PPP1R14C: variants seen among roughly 807,000 people sequenced by gnomAD.
PPP1R14C encodes the protein protein phosphatase 1 regulatory subunit 14C.
PPP1R14C carries 16 observed loss-of-function variants against 20.4 expected under a neutral mutation model. That is an observed-to-expected ratio of 0.78 (90% confidence interval 0.53 to 1.19). PPP1R14C has a LOEUF of 1.19. Among genes scored for constraint, PPP1R14C ranks in the 50% most tolerant of loss-of-function variants. The pLI is 0.00. For synonymous variants in PPP1R14C, 91 were observed against 91.0 expected (o/e 1.00, Z 0.00); for missense variants, 211 against 220.1 (o/e 0.96, Z 0.26).
At chr6:150,197,415 A>G (rs1456361784) in intron 1 of PPP1R14C, among the ~76,000 whole-genome samples, 1 of 152,216 alleles carries the variant, frequency 6.6e-6, no homozygotes, top group Non-Finnish European at 1.5e-5. Context: ...TCCAGAGGGC[A>G]CCTGTCTTGC....
intron 1 of PPP1R14C, chr6:150,195,119 T>C (rs1777786903): frequency 1.0e-6 from 1 of 983,708 alleles, no homozygotes; most frequent in African/African-American, 1.7e-5. Flanking sequence ...ATTATGTGGG[T>C]TACTCTTATT....
intron 1 of PPP1R14C, among the ~76,000 whole-genome samples, chr6:150,170,045 C>G (rs1777479649): frequency 6.6e-6 from 1 of 152,282 alleles, no homozygotes; most frequent in African/African-American, 2.4e-5. Context: ...AGTTGTATTG[C>G]TTTTAATGAC....
intron 1 of PPP1R14C, among the ~76,000 whole-genome samples, chr6:150,204,940 G>C (rs188219324): frequency 6.7e-4 from 102 of 151,544 alleles, no homozygotes; most frequent in Middle Eastern, 7.1e-3. Context: ...GTGGCCTCTT[G>C]AGCCCTTTGA....
At chr6:150,167,602 A>T (rs952396170) in intron 1 of PPP1R14C, among the ~76,000 whole-genome samples, 2 of 152,186 alleles carry the variant, frequency 1.3e-5, no homozygotes, top group Admixed American at 6.5e-5. Flanking sequence ...CTGGGAGAAC[A>T]TCTAGAAGTG....
chr6:150,146,785 C>T (rs9397686), intron 1 of PPP1R14C, among the ~76,000 whole-genome samples: 22,336 of 152,078 alleles, frequency 0.15, 1,761 homozygotes, highest in African/African-American at 0.2. Context: ...AGACTAAAAC[C>T]AAGTGGAGGG....
intron 3 of PPP1R14C, among the ~76,000 whole-genome samples, chr6:150,228,391 C>T (rs1778253416): frequency 6.6e-6 from 1 of 152,132 alleles, no homozygotes; most frequent in South Asian, 2.1e-4. Context: ...AGGCTATAGT[C>T]AAGGGAAGAG....
chr6:150,155,827 C>T (rs1777299183), intron 1 of PPP1R14C, among the ~76,000 whole-genome samples: 1 of 151,590 alleles, frequency 6.6e-6, no homozygotes, highest in Non-Finnish European at 1.5e-5. Context: ...GAGTTTGAGA[C>T]CAGCCTGAAC....
At chr6:150,207,181 A>G (rs17079418) in intron 1 of PPP1R14C, among the ~76,000 whole-genome samples, 28,567 of 152,126 alleles carry the variant, frequency 0.19, 3,005 homozygotes, top group African/African-American at 0.27. Flanking sequence ...TGTTTTTAAA[A>G]AGGGCTTTGG....
chr6:150,204,996 C>CTTTTTTTTTTTTTT (rs10683235), intron 1 of PPP1R14C, among the ~76,000 whole-genome samples: 3 of 143,332 alleles, frequency 2.1e-5, no homozygotes. Flanking sequence ...AACTCAGAGT[C>CTTTTTTTTTTTTTT]TTTTTTTTTT....
At chr6:150,245,006 A>G (rs1306340061) in intron 3 of PPP1R14C, among the ~76,000 whole-genome samples, 1 of 152,040 alleles carries the variant, frequency 6.6e-6, no homozygotes, top group African/African-American at 2.4e-5. Context: ...CTCATCACAA[A>G]TCTGTAAGCC....
chr6:150,235,609 T>C (rs1778350976), intron 3 of PPP1R14C, among the ~76,000 whole-genome samples: 1 of 152,242 alleles, frequency 6.6e-6, no homozygotes, highest in Non-Finnish European at 1.5e-5. Context: ...AGAGTCTTGA[T>C]GATTCTGAGG....
chr6:150,169,240 T>C (rs986689613), intron 1 of PPP1R14C, among the ~76,000 whole-genome samples: 2 of 152,170 alleles, frequency 1.3e-5, no homozygotes, highest in African/African-American at 4.8e-5. Context: ...TCCATTATAG[T>C]TAGAGGTGAT....
chr6:150,243,705 A>T (rs754482780), intron 3 of PPP1R14C, among the ~76,000 whole-genome samples: 1 of 152,242 alleles, frequency 6.6e-6, no homozygotes, highest in Non-Finnish European at 1.5e-5. Context: ...CATATTCCAT[A>T]CAAAGATTTG....
intron 3 of PPP1R14C, among the ~76,000 whole-genome samples, chr6:150,223,870 A>C (rs1029468668): frequency 6.6e-6 from 1 of 152,200 alleles, no homozygotes; most frequent in East Asian, 1.9e-4. Flanking sequence ...CCACCTTATC[A>C]ATGTTTTCTT....
At chr6:150,159,943 G>GT (rs1777346359) in intron 1 of PPP1R14C, among the ~76,000 whole-genome samples, 1 of 152,108 alleles carries the variant, frequency 6.6e-6, no homozygotes, top group African/African-American at 2.4e-5. Flanking sequence ...GCCTTCCTTT[G>GT]TTTTTGATGA....
intron 1 of PPP1R14C, among the ~76,000 whole-genome samples, chr6:150,156,348 A>G (rs901946225): frequency 1.4e-5 from 2 of 140,780 alleles, no homozygotes; most frequent in South Asian, 2.2e-4. Flanking sequence ...TCTAAATACA[A>G]TGTAAAAAAC....
At chr6:150,162,557 A>G (rs1171339079) in intron 1 of PPP1R14C, among the ~76,000 whole-genome samples, 1 of 152,162 alleles carries the variant, frequency 6.6e-6, no homozygotes, top group Non-Finnish European at 1.5e-5. Context: ...ATAAGATGCC[A>G]TTGTACAAAT....
chr6:150,200,244 A>C (rs1777860324), intron 1 of PPP1R14C, among the ~76,000 whole-genome samples: 1 of 152,112 alleles, frequency 6.6e-6, no homozygotes, highest in African/African-American at 2.4e-5. Context: ...ACATACACAC[A>C]TACCTGTAGG....
At chr6:150,147,469 C>T (rs1777192956) in intron 1 of PPP1R14C, among the ~76,000 whole-genome samples, 1 of 151,878 alleles carries the variant, frequency 6.6e-6, no homozygotes, top group South Asian at 2.1e-4. Flanking sequence ...TGAGCCACCG[C>T]GCCCAGCCAA....
Sources: gnomAD v4.1 joint callset for allele counts (sites outside exome capture counted in the v4.1 genomes callset) on GRCh38, gnomAD v4.1.1 for gene constraint, MANE v1.5 for transcripts, NCBI Gene and HGNC (gene_info 2026-07-23, HGNC 2026-07-21) for gene names.